Variants in TMEM225B observed in about 807,000 individuals in gnomAD.
The protein encoded by TMEM225B is transmembrane protein 225-like.
A neutral mutation model predicts 16.9 loss-of-function variants in TMEM225B; 10 were observed. The ratio of observed to expected loss-of-function variants is 0.59; its 90% confidence interval spans 0.36 to 1.00. The LOEUF is 1.00. Among genes scored for constraint, TMEM225B ranks in the 50% least tolerant of loss-of-function variants. TMEM225B has a pLI of 0.01. For missense variants in TMEM225B, 217 were observed against 267.0 expected, an observed-to-expected ratio of 0.81 and a Z score of 1.30; for synonymous variants, 92 against 109.8, an observed-to-expected ratio of 0.84 and a Z score of 1.01.
At chr7:99,607,534 A>G (rs1332917259) in intron 4 of TMEM225B, 139 bp from the exon 5 acceptor site, 3 of 739,260 alleles carry the variant, frequency 4.1e-6, no homozygotes, top group Non-Finnish European at 6.4e-6. Context: ...AGGGAGGGAC[A>G]GGCATCTGGG....
chr7:99,599,162 AG>A (rs1805119373), intron 1 of TMEM225B, among the ~76,000 whole-genome samples: 1 of 132,316 alleles, frequency 7.6e-6, no homozygotes, highest in African/African-American at 3.0e-5. Context: ...TTTTTAGTAG[AG>A]ACGGGGTTTC....
At position 99,606,801 on chromosome 7, in the gene TMEM225B, G is replaced by A. The variant is rs1000574168; in HGVS notation, c.262G>A (p.Val88Ile). The A allele has an allele frequency of 2.7e-5, 41 of 1,535,842 alleles. No individual in the cohort carries two copies. The highest frequency in any genetic ancestry group is 5.5e-5 in the African/African-American group (4 of 72,968). The change falls in exon 4 of 6, where the codon GTC becomes ATC. Residue 88 changes from valine to isoleucine, a missense_variant. Transcript: ENST00000431679. ...GCTCTCTGCAGTTTTCTTGGCTTTCGTCACCACCTTCATCATGATGCCCTT... is the reference window on the plus strand; with the variant it reads ...GCTCTCTGCAGTTTTCTTGGCTTTCATCACCACCTTCATCATGATGCCCTT... ...FLLSAVFLAF[V>I]TTFIMMPFAS...
intron 2 of TMEM225B, among the ~76,000 whole-genome samples, chr7:99,601,625 A>G (rs1805369025): frequency 6.6e-6 from 1 of 152,216 alleles, no homozygotes; most frequent in Non-Finnish European, 1.5e-5. Flanking sequence ...GAGAAACTAG[A>G]GAATGTCAGA....
intron 5 of TMEM225B, among the ~76,000 whole-genome samples, chr7:99,608,313 T>C (rs555678031): frequency 2.0e-5 from 3 of 152,240 alleles, no homozygotes; most frequent in East Asian, 1.9e-4. Context: ...ACATCACCGA[T>C]GTTCAATAAC....
chr7:99,603,553 G>A (rs866769359), intron 2 of TMEM225B, among the ~76,000 whole-genome samples: 6 of 152,088 alleles, frequency 3.9e-5, no homozygotes, highest in Non-Finnish European at 7.4e-5. Context: ...TTAGCTGGGC[G>A]TGGTGGCGGG....
chr7:99,607,162 A>ATT (rs367577804), intron 4 of TMEM225B, among the ~76,000 whole-genome samples: 8 of 144,840 alleles, frequency 5.5e-5, no homozygotes, highest in African/African-American at 2.0e-4. Flanking sequence ...TAATTTAAAC[A>ATT]TTTTTTTTTT....
chr7:99,606,805 C>T lies in TMEM225B; in HGVS notation c.266C>T (p.Thr89Ile). ...LLSAVFLAFV[T>I]TFIMMPFASE... ...TCTGCAGTTTTCTTGGCTTTCGTCA[C>T]CACCTTCATCATGATGCCCTTTGCA... Residue 89 changes from threonine (T) to isoleucine (I), a missense_variant, in exon 4 of 6, where the codon ACC becomes ATC. Thr to Ile is a moderately conservative substitution (Grantham distance 89). Transcript: ENST00000431679. 1 of 1,536,088 alleles carries T rather than the reference C, an allele frequency of 6.5e-7. No homozygotes were observed. The highest frequency in any genetic ancestry group is 8.7e-7 in the Non-Finnish European group (1 of 1,146,898).
chr7:99,610,568 C>G lies in TMEM225B; in HGVS notation c.*3C>G. ...TGACAGCAGAAACAGTCATCTAGCC[C>G]AGGACATGGCTTCTTTACCCTTCTT... is the stretch of plus-strand genomic sequence containing the variant. On this transcript the variant is annotated 3_prime_UTR_variant, in exon 6 of 6. Transcript: ENST00000431679. 1 of 1,535,904 alleles carries G rather than the reference C, an allele frequency of 6.5e-7. No individual in the cohort carries two copies. The highest frequency in any genetic ancestry group is 1.2e-5 in the South Asian group (1 of 84,046).
chr7:99,610,682 T>A lies in TMEM225B; in HGVS notation c.*117T>A, dbSNP rs1806270917. 2 of 772,158 alleles carry A rather than the reference T, an allele frequency of 2.6e-6. No individual in the cohort carries two copies. The highest frequency in any genetic ancestry group is 4.1e-6 in the Non-Finnish European group (2 of 493,516). 47.8% of individuals were successfully genotyped at this position (772,158 alleles called of 1,614,324 possible). A position where few individuals can be genotyped will look rare whatever the true frequency, so the allele number is the denominator to read the frequency against. On this transcript the variant is annotated 3_prime_UTR_variant, in exon 6 of 6. Transcript: ENST00000431679. ...GTGCCTTTGAGGAGCTTCTTGCGTG[T>A]CAGATCAACTCTCCACCTCCCCATA...
At chr7:99,599,125 A>ATTTTTTTTTTTTTT (rs769617190) in intron 1 of TMEM225B, among the ~76,000 whole-genome samples, 40 of 115,504 alleles carry the variant, frequency 3.5e-4, no homozygotes, top group African/African-American at 7.5e-4. Flanking sequence ...CGCCTGGCTA[A>ATTTTTTTTTTTTTT]TTTTTTTTTT....
At chr7:99,607,091 G>A (rs1185031179) in intron 4 of TMEM225B, among the ~76,000 whole-genome samples, 197 bp downstream of exon 4, 3 of 152,080 alleles carry the variant, frequency 2.0e-5, no homozygotes, top group African/African-American at 4.8e-5. Flanking sequence ...AGGCTAAAGT[G>A]ATCCTCCCAC....
chr7:99,610,590 T>C lies in TMEM225B; in HGVS notation c.*25T>C, dbSNP rs1438835414. The C allele has an allele frequency of 3.3e-6, 5 of 1,534,264 alleles. No individual in the cohort carries two copies. Among genetic ancestry groups the C allele is most frequent in the Non-Finnish European group, 4.4e-6 (5 of 1,145,594 alleles). ...GCCCAGGACATGGCTTCTTTACCCT[T>C]CTTCAAGCCATGTGAGTGTACACAT... is the stretch of plus-strand genomic sequence containing the variant. On this transcript the variant is annotated 3_prime_UTR_variant, in exon 6 of 6. Coordinates refer to ENST00000431679, the MANE Select transcript of TMEM225B (RefSeq NM_001195541.3).
chr7:99,610,616 G>T lies in TMEM225B; in HGVS notation c.*51G>T, dbSNP rs1806266643. Reference sequence around the variant, plus strand: ...CTTCAAGCCATGTGAGTGTACACATGTAGCTGTTTGTAGTCCTCCCCACCC... The same window carrying T: ...CTTCAAGCCATGTGAGTGTACACATTTAGCTGTTTGTAGTCCTCCCCACCC... On this transcript the variant is annotated 3_prime_UTR_variant, in exon 6 of 6. Coordinates refer to ENST00000431679, the MANE Select transcript of TMEM225B (RefSeq NM_001195541.3). The T allele has an allele frequency of 2.0e-6, 3 of 1,483,552 alleles. No homozygotes were observed. The highest frequency in any genetic ancestry group is 2.7e-6 in the Non-Finnish European group (3 of 1,102,376). The allele number at this position is 1,483,552 out of a possible 1,614,324, so 91.9% of individuals were successfully genotyped here.
At chr7:99,604,291 C>A in intron 2 of TMEM225B, 95 bp from the exon 3 acceptor site, 2 of 770,656 alleles carry the variant, frequency 2.6e-6, no homozygotes, top group Non-Finnish European at 4.3e-6. Flanking sequence ...CCACACACAG[C>A]ACTGACATTT....
At chr7:99,604,659 G>C (rs968332588) in intron 3 of TMEM225B, 63 bp downstream of exon 3, 14 of 1,331,750 alleles carry the variant, frequency 1.1e-5, no homozygotes, top group African/African-American at 4.3e-5. Context: ...GGACAGAGGT[G>C]GGGGGTGAAA....
At position 99,604,559 on chromosome 7, in the gene TMEM225B, C is replaced by T. The variant is rs1805631444; in HGVS notation, c.171C>T (p.Cys57=). Reference sequence around the variant, plus strand: ...TTTTCAGTGGCCTATTTGAGAACTGCTTCAATGCCAAATGCTGGAAGCCTC... The same window carrying T: ...TTTTCAGTGGCCTATTTGAGAACTGTTTCAATGCCAAATGCTGGAAGCCTC... The part of the protein sequence containing the change: ...EVFFSGLFEN[C]FNAKCWKPRP... Residue 57 remains cysteine (C), a synonymous_variant, in exon 3 of 6, where the codon TGC becomes TGT. Coordinates refer to ENST00000431679, the MANE Select transcript of TMEM225B (RefSeq NM_001195541.3). 6.5e-7 allele frequency: 1 copy of T among 1,536,048 alleles called. No homozygotes were observed. Among genetic ancestry groups the T allele is most frequent in the Non-Finnish European group, 8.7e-7 (1 of 1,146,886 alleles).
chr7:99,603,605 T>C (rs1258245420), intron 2 of TMEM225B, among the ~76,000 whole-genome samples: 1 of 151,932 alleles, frequency 6.6e-6, no homozygotes. Flanking sequence ...GGCAGGAGTA[T>C]TGCTGGAACC....
chr7:99,602,150 C>T (rs1562951605), intron 2 of TMEM225B, among the ~76,000 whole-genome samples: 1 of 152,240 alleles, frequency 6.6e-6, no homozygotes, highest in African/African-American at 2.4e-5. Context: ...CCTTTCTGCA[C>T]TGCCAGGTAG....
In TMEM225B at chr7:99,606,845, G is replaced by A. The variant is rs776892941; in HGVS notation, c.306G>A (p.Pro102=). The change falls in exon 4 of 6, where the codon CCG becomes CCA. Residue 102 remains proline, a synonymous_variant. Coordinates refer to ENST00000431679, the MANE Select transcript of TMEM225B (RefSeq NM_001195541.3). ...TGCCCTTTGCATCCGAGTTCTTCCCGAGGACCTGGAAGCAAAACTTTGTGT... is the reference window on the plus strand; with the variant it reads ...TGCCCTTTGCATCCGAGTTCTTCCCAAGGACCTGGAAGCAAAACTTTGTGT... ...IMMPFASEFF[P]RTWKQNFVLA... is the part of the protein sequence containing the mutation. 2.2e-5 allele frequency: 34 copies of A among 1,535,936 alleles called. No individual in the cohort carries two copies. The highest frequency in any genetic ancestry group is 5.9e-5 in the South Asian group (5 of 84,058).
Sources: allele counts gnomAD v4.1 joint callset (sites outside exome capture counted in the v4.1 genomes callset), GRCh38; gene constraint gnomAD v4.1.1; transcripts MANE v1.5; gene names NCBI Gene and HGNC (gene_info 2026-07-23, HGNC 2026-07-21).